INTS2: variants seen among roughly 807,000 people sequenced by gnomAD.
INTS2 encodes integrator complex subunit 2.
INTS2 carries 57 observed loss-of-function variants against 139.6 expected under a neutral mutation model. The ratio of observed to expected loss-of-function variants is 0.41; its 90% confidence interval spans 0.33 to 0.51. INTS2 has a LOEUF of 0.51. INTS2 is among the 20% of genes least tolerant of loss of function. The probability of loss-of-function intolerance (pLI) is 0.28; values close to 1 mark genes in which losing one functional copy is unlikely to be tolerated. For missense variants in INTS2, 1,196 were observed against 1,436.7 expected (o/e 0.83, Z 2.71); for synonymous variants, 473 against 493.4 (o/e 0.96, Z 0.55).
chr17:61,903,576 C>G (rs2079430696), intron 9 of INTS2, among the ~76,000 whole-genome samples: 1 of 151,418 alleles, frequency 6.6e-6, no homozygotes, highest in Admixed American at 6.6e-5. Flanking sequence ...AAGATTTAGG[C>G]TGGCAGAGAG....
intron 3 of INTS2, among the ~76,000 whole-genome samples, chr17:61,924,595 G>A (rs987062718): frequency 6.6e-6 from 1 of 152,180 alleles, no homozygotes; most frequent in Non-Finnish European, 1.5e-5. Context: ...GAGGCGGGTG[G>A]ATCACCTGAG....
At position 61,875,933 on chromosome 17, in the gene INTS2, C is replaced by G. The variant is rs1288785051; in HGVS notation, c.2457-895G>C. ...TGTGAAATCCCAGCACTTTGGGAGGCTGAGGCAGAAGGTTCGCTTGAGCCC... is the reference window on the plus strand; with the variant it reads ...TGTGAAATCCCAGCACTTTGGGAGGGTGAGGCAGAAGGTTCGCTTGAGCCC... On this transcript the variant is annotated intron_variant, in intron 18 of 24. Transcript: ENST00000251334. The surrounding 1 kb of genome is among the most constrained non-coding windows in gnomAD (Gnocchi z 4.6). Among the ~76,000 whole-genome samples, 2 of 152,128 alleles carry G rather than the reference C, an allele frequency of 1.3e-5. No individual in the cohort carries two copies. The highest frequency in any genetic ancestry group is 4.8e-5 in the African/African-American group (2 of 41,432).
intron 17 of INTS2, among the ~76,000 whole-genome samples, chr17:61,878,466 A>C (rs930812330): frequency 6.6e-6 from 1 of 152,102 alleles, no homozygotes; most frequent in African/African-American, 2.4e-5. Context: ...TAGGAGACTG[A>C]GACAGGAGAA....
chr17:61,889,320 C>A (rs2079265568), intron 15 of INTS2, among the ~76,000 whole-genome samples: 1 of 152,146 alleles, frequency 6.6e-6, no homozygotes, highest in African/African-American at 2.4e-5. Flanking sequence ...CTCCTGACCT[C>A]AGGTGATCCG....
At chr17:61,874,644 G>A (rs929992072) in intron 19 of INTS2, among the ~76,000 whole-genome samples, 1 of 152,216 alleles carries the variant, frequency 6.6e-6, no homozygotes, top group Middle Eastern at 3.4e-3. Flanking sequence ...TCTAAATTGT[G>A]AGAGAGAAAA....
chr17:61,895,248 A>T, intron 12 of INTS2, 67 bp downstream of exon 12: 3 of 855,342 alleles, frequency 3.5e-6, no homozygotes, highest in Non-Finnish European at 5.5e-6. Context: ...GGTAAGACAC[A>T]CAAGTTTTCT....
rs2079092654 is a variant in INTS2 at position 61,872,004 on chromosome 17, C to T, written c.2778+261G>A. On this transcript the variant is annotated intron_variant, in intron 20 of 24. Coordinates refer to ENST00000251334, the MANE Select transcript of INTS2 (RefSeq NM_001351695.2). The surrounding 1 kb of genome is among the most constrained non-coding windows in gnomAD (Gnocchi z 4.8). Reference sequence around the variant, plus strand: ...TAACTCTAAACTCAGAATAGGTAAACACTTAAATTTTATTAAAATATAAAT... The same window carrying T: ...TAACTCTAAACTCAGAATAGGTAAATACTTAAATTTTATTAAAATATAAAT... 9.9e-6 allele frequency: 3 copies of T among 303,060 alleles called. No homozygotes were observed. Among genetic ancestry groups the T allele is most frequent in the Admixed American group, 4.8e-5 (1 of 20,878 alleles). 18.8% of individuals were successfully genotyped at this position (303,060 alleles called of 1,614,324 possible). A position where few individuals can be genotyped will look rare whatever the true frequency, so the allele number is the denominator to read the frequency against.
At chr17:61,894,839 TAA>T (rs35706298) in intron 12 of INTS2, among the ~76,000 whole-genome samples, 11 of 140,694 alleles carry the variant, frequency 7.8e-5, no homozygotes, top group East Asian at 4.0e-4. Context: ...CAAAGTGAGA[TAA>T]AAAAAAAAAA....
Position 61,927,852 on chromosome 17 carries a change from G to A in INTS2, c.-217C>T. The stretch of plus-strand genomic sequence containing the variant: ...CAACCGGGTTGTCGATACAAAGTGG[G>A]AAGGATGGGGGCACCACACAAAGGC... On this transcript the variant is annotated 5_prime_UTR_variant, in exon 1 of 25. Transcript: ENST00000251334. 1.2e-6 allele frequency: 2 copies of A among 1,613,838 alleles called. No homozygotes were observed. The highest frequency in any genetic ancestry group is 1.1e-5 in the South Asian group (1 of 91,068).
intron 18 of INTS2, among the ~76,000 whole-genome samples, chr17:61,877,138 T>A (rs973457986): frequency 1.3e-5 from 2 of 152,136 alleles, no homozygotes; most frequent in African/African-American, 4.8e-5. Context: ...CTTCACCTTG[T>A]AGAGTAGAAA....
Position 61,889,783 on chromosome 17 carries a change from T to TTAG in INTS2, c.1984+2_1984+3insCTA. The TTAG allele has an allele frequency of 6.7e-7, 1 of 1,481,702 alleles. No individual in the cohort carries two copies. The allele number at this position is 1,481,702 out of a possible 1,614,324, so 91.8% of individuals were successfully genotyped here. A position where few individuals can be genotyped will look rare whatever the true frequency, so the allele number is the denominator to read the frequency against. ...TAGAACCACTCCTCTACGTACAACT[T>TTAG]ACCTAAAGTCTTCGTGTTTGCTAGA... On this transcript the variant is annotated splice_region_variant and intron_variant, in intron 15 of 24. Coordinates refer to ENST00000251334, the MANE Select transcript of INTS2 (RefSeq NM_001351695.2).
chr17:61,902,378 TGTC>T (rs1247896518), intron 9 of INTS2, among the ~76,000 whole-genome samples: 1 of 152,160 alleles, frequency 6.6e-6, no homozygotes, highest in Non-Finnish European at 1.5e-5. Flanking sequence ...TTGAAATGAT[TGTC>T]GTATTTTCTT....
Position 61,870,057 on chromosome 17 carries a change from T to C in INTS2, c.2779-69A>G. 1 of 1,386,468 alleles carries C rather than the reference T, an allele frequency of 7.2e-7. No individual in the cohort carries two copies. The highest frequency in any genetic ancestry group is 9.8e-7 in the Non-Finnish European group (1 of 1,022,760). The allele number at this position is 1,386,468 out of a possible 1,614,324, so 85.9% of individuals were successfully genotyped here. On this transcript the variant is annotated intron_variant, in intron 20 of 24. Coordinates refer to ENST00000251334, the MANE Select transcript of INTS2 (RefSeq NM_001351695.2). The surrounding 1 kb of genome is among the most constrained non-coding windows in gnomAD (Gnocchi z 4.4). ...AGTTAAAAAACAAATCAGATTTTAT[T>C]TTCACATGAACAGATATGATAAAAT... is the stretch of plus-strand genomic sequence containing the variant.
Position 61,897,399 on chromosome 17 carries a change from T to G in INTS2, c.1494+70A>C. 1.1e-6 allele frequency: 1 copy of G among 876,598 alleles called. No homozygotes were observed. Among genetic ancestry groups the G allele is most frequent in the Non-Finnish European group, 1.8e-6 (1 of 570,150 alleles). The allele number at this position is 876,598 out of a possible 1,614,324, so 54.3% of individuals were successfully genotyped here. A position where few individuals can be genotyped will look rare whatever the true frequency, so the allele number is the denominator to read the frequency against. ...AATTACTTAAATGAAAACAATCTATTTACACTACAACAAAATGTCCAGCTT... is the reference window on the plus strand; with the variant it reads ...AATTACTTAAATGAAAACAATCTATGTACACTACAACAAAATGTCCAGCTT... On this transcript the variant is annotated intron_variant, in intron 11 of 24. Coordinates refer to ENST00000251334, the MANE Select transcript of INTS2 (RefSeq NM_001351695.2). The surrounding 1 kb of genome is among the most constrained non-coding windows in gnomAD (Gnocchi z 4.4).
At chr17:61,894,937 T>C (rs1314091845) in intron 12 of INTS2, among the ~76,000 whole-genome samples, 13 of 152,190 alleles carry the variant, frequency 8.5e-5, no homozygotes, top group Non-Finnish European at 1.5e-4. Flanking sequence ...ATTTAGACTC[T>C]AGCCTGTAAT....
intron 4 of INTS2, chr17:61,921,321 G>A (rs1415118782): frequency 3.3e-5 from 5 of 152,582 alleles, no homozygotes; most frequent in African/African-American, 9.7e-5. Context: ...TCCAGCCTGA[G>A]CAACAGAGCA....
intron 12 of INTS2, chr17:61,894,233 A>G (rs1487391910): frequency 6.1e-6 from 1 of 163,762 alleles, no homozygotes; most frequent in Admixed American, 6.3e-5. Flanking sequence ...TCACATCTAC[A>G]AAACAGGACA....
Position 61,867,985 on chromosome 17 carries a change from G to A in INTS2, c.3269C>T (p.Ala1090Val). Residue 1090 changes from alanine (A) to valine (V), a missense_variant, in exon 24 of 25, where the codon GCT (alanine) becomes GTT (valine). Around this residue, in one of 3 missense-constraint regions of INTS2, gnomAD observed 1,129 missense variants for 1,341.9 expected, o/e 0.84. Coordinates refer to ENST00000251334, the MANE Select transcript of INTS2 (RefSeq NM_001351695.2). This position sits in a 1 kb window ranked among gnomAD's most constrained non-coding sequence, Gnocchi z 5.6. ...LTVLTQAKRY[A>V]FFMPTLPSLV... ...ACTTGGCAGAGTTGGCATAAAAAAA[G>A]CATACCGCTTAGCCTGTGTTAAAAC... 6.2e-7 allele frequency: 1 copy of A among 1,600,114 alleles called. No homozygotes were observed. Among genetic ancestry groups the A allele is most frequent in the East Asian group, 2.2e-5 (1 of 44,816 alleles).
intron 4 of INTS2, among the ~76,000 whole-genome samples, chr17:61,920,180 C>CA (rs1555626463): frequency 8.4e-6 from 1 of 119,158 alleles, no homozygotes; most frequent in Non-Finnish European, 1.7e-5. Flanking sequence ...ATCTTATTTG[C>CA]TTTTTTTTTT....
Sources: gnomAD v4.1 joint callset for allele counts (sites outside exome capture counted in the v4.1 genomes callset) on GRCh38, gnomAD v4.1.1 for gene constraint, gnomAD v4.1.1 regional missense constraint, Gnocchi (gnomAD v3.1) non-coding constraint, MANE v1.5 for transcripts, NCBI Gene and HGNC (gene_info 2026-07-23, HGNC 2026-07-21) for gene names.